The following TECPR2 variants were observed in gnomAD, a reference collection of about 807,000 sequenced individuals.
TECPR2 encodes tectonin beta-propeller repeat-containing protein 2.
TECPR2 carries 65 observed loss-of-function variants against 138.1 expected under a neutral mutation model. The observed-to-expected ratio is 0.47, with a 90% confidence interval of 0.39 to 0.58. The LOEUF (loss-of-function observed/expected upper bound fraction) is 0.58. Among genes scored for constraint, TECPR2 ranks in the 20% least tolerant of loss-of-function variants. The probability of loss-of-function intolerance (pLI) is 0.00; values close to 1 mark genes in which losing one functional copy is unlikely to be tolerated. For synonymous variants in TECPR2, 746 were observed against 749.8 expected, an observed-to-expected ratio of 0.99 and a Z score of 0.08; for missense variants, 1,553 against 1,824.5, an observed-to-expected ratio of 0.85 and a Z score of 2.71.
intron 16 of TECPR2, among the ~76,000 whole-genome samples, chr14:102,460,765 G>A (rs372577469): frequency 1.5e-4 from 22 of 145,100 alleles, no homozygotes; most frequent in African/African-American, 4.6e-4. Context: ...CACGATCTCC[G>A]CTCACTGCAA....
intron 2 of TECPR2, among the ~76,000 whole-genome samples, chr14:102,385,672 A>T (rs1887977340): frequency 6.6e-6 from 1 of 152,096 alleles, no homozygotes; most frequent in Non-Finnish European, 1.5e-5. Flanking sequence ...AGTGGCACAC[A>T]CCTGTAATCC....
intron 17 of TECPR2, chr14:102,465,783 C>A: frequency 5.5e-6 from 2 of 364,260 alleles, no homozygotes; most frequent in Non-Finnish European, 7.6e-6. Flanking sequence ...ACCGTGCATC[C>A]CAACACAGAG....
chr14:102,498,063 G>A (rs1473489660), intron 19 of TECPR2, 40 bp from the exon 20 acceptor site: 1 of 1,109,432 alleles, frequency 9.0e-7, no homozygotes, highest in Admixed American at 2.2e-5. Flanking sequence ...CCCACAGGCT[G>A]TGTGATTGAC....
chr14:102,375,953 G>A (rs149066352), intron 1 of TECPR2, among the ~76,000 whole-genome samples: 344 of 152,314 alleles, frequency 2.3e-3, no homozygotes, highest in African/African-American at 7.2e-3. Flanking sequence ...GAAAGATGGC[G>A]TGCATGGAAG....
At chr14:102,437,842 G>A (rs1190545) in intron 9 of TECPR2, among the ~76,000 whole-genome samples, 180 bp from the exon 10 acceptor site, 2 of 151,930 alleles carry the variant, frequency 1.3e-5, no homozygotes, top group Admixed American at 1.3e-4. Flanking sequence ...CGTCTCAGAA[G>A]GTTTGTAGTA....
At chr14:102,387,097 GATAA>G (rs1057070812) in intron 2 of TECPR2, among the ~76,000 whole-genome samples, 34 of 152,146 alleles carry the variant, frequency 2.2e-4, no homozygotes, top group African/African-American at 8.2e-4. Context: ...TTTATGGGAA[GATAA>G]ATAAAAAAGT....
chr14:102,395,973 C>T (rs1049114141), intron 2 of TECPR2, among the ~76,000 whole-genome samples: 1 of 152,132 alleles, frequency 6.6e-6, no homozygotes, highest in African/African-American at 2.4e-5. Flanking sequence ...AACAAGTGTT[C>T]ACTTCATGAA....
At position 102,498,542 on chromosome 14, in the gene TECPR2, G is replaced by A. The variant is rs1319981142; in HGVS notation, c.*285G>A. 2 of 507,004 alleles carry A rather than the reference G, an allele frequency of 3.9e-6. No individual in the cohort carries two copies. The highest frequency in any genetic ancestry group is 1.9e-5 in the African/African-American group (1 of 51,790). 31.4% of individuals were successfully genotyped at this position (507,004 alleles called of 1,614,324 possible). A position where few individuals can be genotyped will look rare whatever the true frequency, so the allele number is the denominator to read the frequency against. On this transcript the variant is annotated 3_prime_UTR_variant, in exon 20 of 20. Coordinates refer to ENST00000359520, the MANE Select transcript of TECPR2 (RefSeq NM_014844.5). ...CGATTACCCACGTGCTGCCGTCCTG[G>A]TCTCATCCACAGATAGCTCCAGCTT...
At chr14:102,392,476 C>G (rs1253872962) in intron 2 of TECPR2, among the ~76,000 whole-genome samples, 4 of 152,170 alleles carry the variant, frequency 2.6e-5, no homozygotes, top group Admixed American at 6.5e-5. Context: ...CACCCAGTGA[C>G]ATTTTAAATT....
At chr14:102,442,002 G>A (rs1015685929) in intron 11 of TECPR2, among the ~76,000 whole-genome samples, 2 of 152,096 alleles carry the variant, frequency 1.3e-5, no homozygotes, top group South Asian at 2.1e-4. Context: ...GTTTTGAGAC[G>A]GAATCTCGCT....
At chr14:102,375,030 A>T (rs753285542) in intron 1 of TECPR2, among the ~76,000 whole-genome samples, 11 of 151,978 alleles carry the variant, frequency 7.2e-5, no homozygotes, top group Admixed American at 2.0e-4. Flanking sequence ...AAGAAAGGAG[A>T]TGTGTGGATA....
intron 2 of TECPR2, among the ~76,000 whole-genome samples, chr14:102,383,314 A>G (rs1887889244): frequency 6.6e-6 from 1 of 152,146 alleles, no homozygotes; most frequent in African/African-American, 2.4e-5. Context: ...CGTTAGCGGA[A>G]TTTGGACTCC....
At chr14:102,416,083 CT>C (rs1292282674) in intron 5 of TECPR2, among the ~76,000 whole-genome samples, 4 of 152,160 alleles carry the variant, frequency 2.6e-5, no homozygotes, top group Non-Finnish European at 5.9e-5. Context: ...CCTCCCCTTT[CT>C]TCTATTTTCG....
intron 17 of TECPR2, among the ~76,000 whole-genome samples, chr14:102,480,577 T>C (rs535807089): frequency 6.6e-6 from 1 of 151,972 alleles, no homozygotes; most frequent in Admixed American, 6.6e-5. Context: ...TGAAGTGCAG[T>C]GGTGCGATCA....
chr14:102,431,056 C>T (rs1472214190), intron 7 of TECPR2, among the ~76,000 whole-genome samples: 1 of 129,270 alleles, frequency 7.7e-6, no homozygotes, highest in African/African-American at 2.9e-5. Flanking sequence ...ACAGGTTTCA[C>T]TCTGTCGTGC....
At chr14:102,489,684 G>A (rs540717210) in intron 17 of TECPR2, among the ~76,000 whole-genome samples, 14 of 138,410 alleles carry the variant, frequency 1.0e-4, no homozygotes, top group African/African-American at 3.1e-4. Flanking sequence ...CAGCCCGGGC[G>A]ACAAGAGCAA....
At chr14:102,465,068 G>C (rs1330566436) in intron 16 of TECPR2, 73 bp from the exon 17 acceptor site, 23 of 1,553,096 alleles carry the variant, frequency 1.5e-5, no homozygotes, top group Admixed American at 3.9e-5. Flanking sequence ...GAAAATCAAA[G>C]TTCATAGATT....
In TECPR2 at chr14:102,452,402, CT is replaced by C. The variant is rs751970061; in HGVS notation, c.3416del (p.Leu1139ArgfsTer75). On this transcript the variant is annotated frameshift_variant, in exon 16 of 20. Transcript: ENST00000359520. LOFTEE classifies it high-confidence loss of function. ...SAAPTKEGSF[L>X]WLCQSSKDLC... Reference sequence around the variant, plus strand: ...ATGACCCCTTTCTGCAGGAAGCTTCCTGTGGCTGTGCCAGAGCAGCAAGGAC... The same window carrying C: ...ATGACCCCTTTCTGCAGGAAGCTTCCGTGGCTGTGCCAGAGCAGCAAGGAC... 1.9e-6 allele frequency: 3 copies of C among 1,606,010 alleles called. No individual in the cohort carries two copies.
In TECPR2 at chr14:102,486,012, A is replaced by G. The variant is rs146384298; in HGVS notation, c.3790-10967A>G. 2.3e-3 allele frequency among the ~76,000 whole-genome samples: 354 copies of G among 152,326 alleles called. 1 individual carries two copies. The highest frequency in any genetic ancestry group is 7.5e-3 in the African/African-American group (310 of 41,574). On this transcript the variant is annotated intron_variant, in intron 17 of 19. Transcript: ENST00000359520. The stretch of plus-strand genomic sequence containing the variant: ...TGGCTCCACCAGCCCCTGCTCAGGA[A>G]GGACAGAATGTGACAGGCACCCAGG...
Sources: gnomAD v4.1 joint callset for allele counts (sites outside exome capture counted in the v4.1 genomes callset) on GRCh38, gnomAD v4.1.1 for gene constraint, MANE v1.5 for transcripts, NCBI Gene and HGNC (gene_info 2026-07-23, HGNC 2026-07-21) for gene names.